ZNF235: variants seen among roughly 807,000 people sequenced by gnomAD.
The protein encoded by ZNF235 is zfp-93.
In ZNF235, 25 loss-of-function variants were observed where a neutral mutation model predicts 29.4. That is an observed-to-expected ratio of 0.85 (90% CI 0.62 to 1.19). The LOEUF (loss-of-function observed/expected upper bound fraction) is 1.19. ZNF235 is among the 50% of genes most tolerant of loss of function. The probability of loss-of-function intolerance (pLI) is 0.00; values close to 1 mark genes in which losing one functional copy is unlikely to be tolerated. For missense variants in ZNF235, 788 were observed against 885.0 expected (o/e 0.89, Z 1.39); for synonymous variants, 300 against 295.3 (o/e 1.02, Z -0.16).
At position 44,288,252 on chromosome 19, in the gene ZNF235, T is replaced by G. The variant is rs777737344; in HGVS notation, c.1183A>C (p.Arg395=). The G allele has an allele frequency of 4.3e-6, 7 of 1,614,028 alleles. No homozygotes were observed. Among genetic ancestry groups the G allele is most frequent in the South Asian group, 3.3e-5 (3 of 91,086 alleles). Residue 395 remains arginine, a synonymous_variant, in exon 5 of 5, where the codon AGA becomes CGA. Transcript: ENST00000291182. ...SRSTDLNIHC[R]VHTGEKPYKC... ...TAAGGTTTCTCTCCAGTGTGAACTC[T>G]GCAATGAATGTTAAGATCTGTGCTA...
At chr19:44,300,236 C>A (rs952559826) in intron 2 of ZNF235, among the ~76,000 whole-genome samples, 2 of 152,130 alleles carry the variant, frequency 1.3e-5, no homozygotes, top group African/African-American at 2.4e-5. Context: ...ACCTCAATTT[C>A]CACATCTGTA....
At position 44,303,429 on chromosome 19, in the gene ZNF235, A is replaced by G. The variant is rs757540246; in HGVS notation, c.-25T>C. ...TTTTTCCCCTCCTCCTTCTGGGAAA[A>G]GGCAGAGTTCCGGGGAAGTGAACCT... On this transcript the variant is annotated 5_prime_UTR_variant, in exon 2 of 5. Coordinates refer to ENST00000291182, the MANE Select transcript of ZNF235 (RefSeq NM_004234.4). 1.2e-5 allele frequency: 20 copies of G among 1,608,976 alleles called. No homozygotes were observed. The South Asian group carries it at 1.7e-4, about 13-fold the overall frequency.
Position 44,287,927 on chromosome 19 carries a change from T to C in ZNF235, c.1508A>G (p.Gln503Arg). The change falls in exon 5 of 5, where the codon CAG (glutamine) becomes CGG (arginine). Residue 503 changes from glutamine to arginine, a missense_variant. By Grantham distance (43) the Gln-to-Arg change is conservative. Transcript: ENST00000291182. ...GKGFSSASSF[Q>R]SHQRVHTGEK... Reference sequence around the variant, plus strand: ...TCCTGTATGGACCCTCTGATGGCTCTGGAAACTTGAGGCTGAACTAAAACC... The same window carrying C: ...TCCTGTATGGACCCTCTGATGGCTCCGGAAACTTGAGGCTGAACTAAAACC... 1 of 1,614,144 alleles carries C rather than the reference T, an allele frequency of 6.2e-7. No homozygotes were observed. The highest frequency in any genetic ancestry group is 8.5e-7 in the Non-Finnish European group (1 of 1,180,022).
chr19:44,303,643 C>T (rs181541171), intron 1 of ZNF235, among the ~76,000 whole-genome samples, 191 bp from the exon 2 acceptor site: 153 of 152,282 alleles, frequency 1.0e-3, no homozygotes, highest in African/African-American at 3.5e-3. Flanking sequence ...TGTTCATGAA[C>T]ATTTCATATT....
intron 4 of ZNF235, chr19:44,297,298 T>A (rs116407183): frequency 0.01 from 1,677 of 167,246 alleles, 27 homozygotes; most frequent in African/African-American, 0.038. Flanking sequence ...GCATGCCTTA[T>A]GTGTCCAGCC....
At chr19:44,294,706 C>T (rs989404098) in intron 4 of ZNF235, among the ~76,000 whole-genome samples, 1 of 151,594 alleles carries the variant, frequency 6.6e-6, no homozygotes, top group Non-Finnish European at 1.5e-5. Flanking sequence ...CCCCCCAAAC[C>T]AAATCTAATA....
chr19:44,297,752 C>T (rs1362029415), intron 4 of ZNF235, among the ~76,000 whole-genome samples: 9 of 152,112 alleles, frequency 5.9e-5, no homozygotes, highest in Non-Finnish European at 7.3e-5. Context: ...CATGAGCCAC[C>T]GCGCCCAGCT....
At chr19:44,303,547 C>A (rs1975786518) in intron 1 of ZNF235, 95 bp from the exon 2 acceptor site, 2 of 1,145,866 alleles carry the variant, frequency 1.7e-6, no homozygotes, top group Non-Finnish European at 2.5e-6. Context: ...CCCCCTGTCT[C>A]TAGGCAGACA....
chr19:44,287,056 G>A lies in ZNF235; in HGVS notation c.*162C>T. ...AATATGACGTTTGTAAAGAATTCAT[G>A]TCCTAACCAAGTCTAAAACACAGCA... is the stretch of plus-strand genomic sequence containing the variant. On this transcript the variant is annotated 3_prime_UTR_variant, in exon 5 of 5. Transcript: ENST00000291182. 1 of 686,272 alleles carries A rather than the reference G, an allele frequency of 1.5e-6. No individual in the cohort carries two copies. Among genetic ancestry groups the A allele is most frequent in the Admixed American group, 3.2e-5 (1 of 30,888 alleles). 42.5% of individuals were successfully genotyped at this position (686,272 alleles called of 1,614,324 possible).
rs1975502903 is a variant in ZNF235 at position 44,287,410 on chromosome 19, C to T, written c.2025G>A (p.Arg675=). The T allele has an allele frequency of 6.2e-7, 1 of 1,611,466 alleles. No homozygotes were observed. The highest frequency in any genetic ancestry group is 1.7e-5 in the Admixed American group (1 of 59,634). ...TATAGGGTTTCTCTCCTGTGTGGAC[C>T]CTCTGATGGGCACTGAGACCAGCAC... The part of the protein sequence containing the change: ...SWSAGLSAHQ[R]VHTGEKPYTC... Residue 675 remains arginine (R), a synonymous_variant, in exon 5 of 5, where the codon AGG becomes AGA. Transcript: ENST00000291182.
At chr19:44,293,379 T>C (rs1568644679) in intron 4 of ZNF235, among the ~76,000 whole-genome samples, 1 of 151,612 alleles carries the variant, frequency 6.6e-6, no homozygotes. Context: ...ACAAATAAGA[T>C]AACAATCCTA....
chr19:44,299,559 T>C lies in ZNF235; in HGVS notation c.142+47A>G, dbSNP rs770256995. ...TATCTGGCCCAAAACATCAATGGCATGGAGGTTGAGAAACCCTGCTGAATT... is the reference window on the plus strand; with the variant it reads ...TATCTGGCCCAAAACATCAATGGCACGGAGGTTGAGAAACCCTGCTGAATT... On this transcript the variant is annotated intron_variant, in intron 3 of 4. Transcript: ENST00000291182. The C allele has an allele frequency of 5.6e-6, 9 of 1,608,162 alleles. No individual in the cohort carries two copies. In the East Asian group the frequency reaches 2.0e-4, roughly 36 times the overall value.
chr19:44,295,545 G>C (rs1184506265), intron 4 of ZNF235, among the ~76,000 whole-genome samples: 1 of 151,956 alleles, frequency 6.6e-6, no homozygotes, highest in Non-Finnish European at 1.5e-5. Flanking sequence ...TCAATGCAAT[G>C]GCTATCTAAA....
chr19:44,298,978 T>C, intron 3 of ZNF235, 75 bp from the exon 4 acceptor site: 2 of 1,056,934 alleles, frequency 1.9e-6, no homozygotes, highest in Non-Finnish European at 2.8e-6. Context: ...AATCACATGA[T>C]GTAAGTCTCC....
chr19:44,297,953 T>C (rs1389890239), intron 4 of ZNF235, among the ~76,000 whole-genome samples: 2 of 151,800 alleles, frequency 1.3e-5, no homozygotes, highest in Non-Finnish European at 2.9e-5. Flanking sequence ...ACCTCGTCTG[T>C]ACAAAAAATA....
At chr19:44,297,812 A>C (rs140845939) in intron 4 of ZNF235, among the ~76,000 whole-genome samples, 105 of 152,274 alleles carry the variant, frequency 6.9e-4, no homozygotes, top group Middle Eastern at 3.4e-3. Flanking sequence ...TCTGAGCAGA[A>C]GCATGAATGA....
chr19:44,288,548 T>G lies in ZNF235; in HGVS notation c.887A>C (p.His296Pro), dbSNP rs2125579. Residue 296 changes from histidine to proline, a missense_variant, in exon 5 of 5, where the codon CAT (histidine) becomes CCT (proline). Transcript: ENST00000291182. Reference protein sequence around the residue: ...LGKKSPACSTHEKDTSYSSGI... With the variant: ...LGKKSPACSTPEKDTSYSSGI... The stretch of plus-strand genomic sequence containing the variant: ...TGAGCTATAACTGGTGTCCTTCTCA[T>G]GTGTACTACACGCTGGAGACTTCTT... 0.53 allele frequency: 855,602 copies of G among 1,613,800 alleles called. 232,440 individuals are homozygous for G. Among genetic ancestry groups the G allele is most frequent in the South Asian group, 0.67 (60,622 of 91,066 alleles).
At chr19:44,300,357 A>G (rs1264975335) in intron 2 of ZNF235, among the ~76,000 whole-genome samples, 1 of 152,026 alleles carries the variant, frequency 6.6e-6, no homozygotes, top group Admixed American at 6.6e-5. Context: ...TTGATCATTA[A>G]CTCTTATTAT....
chr19:44,297,969 A>G (rs2123102180), intron 4 of ZNF235, among the ~76,000 whole-genome samples: 1 of 152,078 alleles, frequency 6.6e-6, no homozygotes, highest in South Asian at 2.1e-4. Flanking sequence ...AAATATAAAA[A>G]TTAGCTGGGT....
Sources: allele counts gnomAD v4.1 joint callset (sites outside exome capture counted in the v4.1 genomes callset), GRCh38; gene constraint gnomAD v4.1.1; transcripts MANE v1.5; gene names NCBI Gene and HGNC (gene_info 2026-07-23, HGNC 2026-07-21).